The following RBFOX1 variants were observed in gnomAD, a reference collection of about 807,000 sequenced individuals.
RBFOX1 encodes RNA binding protein fox-1 homolog 1.
A neutral mutation model predicts 57.7 loss-of-function variants in RBFOX1; 8 were observed. That is an observed-to-expected ratio of 0.14 (90% CI 0.08 to 0.25). The LOEUF (loss-of-function observed/expected upper bound fraction) is 0.25. RBFOX1 is among the 10% of genes least tolerant of loss of function. The pLI is 1.00. For missense variants in RBFOX1, 611 were observed against 548.5 expected, an observed-to-expected ratio of 1.11 and a Z score of -1.14; for synonymous variants, 326 against 222.4, an observed-to-expected ratio of 1.47 and a Z score of -4.15.
chr16:6,819,786 A>G (rs186709745), intron 3 of RBFOX1, among the ~76,000 whole-genome samples: 87 of 151,858 alleles, frequency 5.7e-4, no homozygotes, highest in African/African-American at 2.0e-3. Context: ...TTTCAAAGAA[A>G]GGAACTTGTT....
At chr16:6,088,978 C>T (rs1004087063) in intron 1 of RBFOX1, among the ~76,000 whole-genome samples, 1 of 151,694 alleles carries the variant, frequency 6.6e-6, no homozygotes, top group Non-Finnish European at 1.5e-5. Context: ...TGCCTGTAAT[C>T]CCAGCTACTC....
chr16:7,616,762 C>G (rs2058513618), intron 10 of RBFOX1, among the ~76,000 whole-genome samples: 1 of 152,046 alleles, frequency 6.6e-6, no homozygotes, highest in Non-Finnish European at 1.5e-5. Context: ...GAACTCCTGA[C>G]CTCAAGCAAC....
chr16:6,093,152 C>T (rs1004606596), intron 1 of RBFOX1, among the ~76,000 whole-genome samples: 3 of 152,308 alleles, frequency 2.0e-5, no homozygotes, highest in African/African-American at 7.2e-5. Context: ...TTACTGTCAT[C>T]TTCACTGAGT....
intron 3 of RBFOX1, among the ~76,000 whole-genome samples, chr16:7,039,429 C>T (rs960600129): frequency 6.6e-6 from 1 of 152,248 alleles, no homozygotes; most frequent in East Asian, 1.9e-4. Context: ...GCTATTTTCT[C>T]AAGTGTATTT....
intron 5 of RBFOX1, among the ~76,000 whole-genome samples, chr16:7,549,328 G>T (rs896900273): frequency 7.9e-5 from 12 of 152,204 alleles, no homozygotes; most frequent in African/African-American, 2.4e-4. Context: ...ATAAAGGTAG[G>T]TAGGGCCATG....
At chr16:7,282,334 T>C (rs1239734952) in intron 4 of RBFOX1, among the ~76,000 whole-genome samples, 1 of 152,162 alleles carries the variant, frequency 6.6e-6, no homozygotes, top group African/African-American at 2.4e-5. Flanking sequence ...CCCCAACTCA[T>C]TGCAAGGCAC....
chr16:6,827,191 A>G (rs1468027360), intron 3 of RBFOX1, among the ~76,000 whole-genome samples: 2 of 128,880 alleles, frequency 1.6e-5, no homozygotes, highest in Non-Finnish European at 3.2e-5. Flanking sequence ...AATCCATTGT[A>G]TTAGAGGTGT....
At chr16:6,921,649 T>A (rs1010594383) in intron 3 of RBFOX1, among the ~76,000 whole-genome samples, 4 of 149,234 alleles carry the variant, frequency 2.7e-5, no homozygotes, top group Non-Finnish European at 5.9e-5. Context: ...ATATATATTT[T>A]TTTTTTTCTT....
At chr16:7,136,114 G>A (rs931055478) in intron 4 of RBFOX1, among the ~76,000 whole-genome samples, 2 of 152,330 alleles carry the variant, frequency 1.3e-5, no homozygotes, top group South Asian at 2.1e-4. Flanking sequence ...GTCAAAGGAA[G>A]AGATTGGCTG....
At chr16:7,042,430 G>A (rs938794204) in intron 3 of RBFOX1, among the ~76,000 whole-genome samples, 1 of 151,616 alleles carries the variant, frequency 6.6e-6, no homozygotes, top group Non-Finnish European at 1.5e-5. Flanking sequence ...ACGGTTTTAG[G>A]AATTCACTCA....
chr16:5,529,997 C>T (rs72633287), intron 2 of RBFOX1, among the ~76,000 whole-genome samples: 41,472 of 152,066 alleles, frequency 0.27, 7,051 homozygotes, highest in East Asian at 0.85. Flanking sequence ...ACAACAGATT[C>T]TTCCTCACAG....
chr16:7,214,204 T>C (rs1040801215), intron 4 of RBFOX1, among the ~76,000 whole-genome samples: 9 of 152,198 alleles, frequency 5.9e-5, no homozygotes, highest in African/African-American at 2.2e-4. Flanking sequence ...TATCCTAGGA[T>C]ATGTCACCCC....
intron 3 of RBFOX1, among the ~76,000 whole-genome samples, chr16:6,713,601 A>C (rs1045995521): frequency 6.6e-5 from 10 of 152,094 alleles, no homozygotes; most frequent in Non-Finnish European, 1.5e-4. Context: ...TTGTGGGCAA[A>C]AATAAAAATC....
chr16:7,352,459 C>T (rs973278632), intron 4 of RBFOX1, among the ~76,000 whole-genome samples: 2 of 152,160 alleles, frequency 1.3e-5, no homozygotes, highest in Non-Finnish European at 2.9e-5. Flanking sequence ...TGAATGTCAT[C>T]TGAAGACGTG....
At chr16:7,491,039 C>T (rs759163062) in intron 4 of RBFOX1, among the ~76,000 whole-genome samples, 13 of 152,132 alleles carry the variant, frequency 8.5e-5, no homozygotes, top group Non-Finnish European at 1.3e-4. Context: ...CCATCAACTC[C>T]AGATTCTAAA....
intron 14 of RBFOX1, among the ~76,000 whole-genome samples, chr16:7,678,460 T>C (rs1030852657): frequency 2.0e-5 from 3 of 152,192 alleles, no homozygotes; most frequent in African/African-American, 7.2e-5. Context: ...GCTGCAACCC[T>C]TAATTATTTT....
chr16:6,964,424 G>A (rs2083660142), intron 3 of RBFOX1, among the ~76,000 whole-genome samples: 1 of 152,100 alleles, frequency 6.6e-6, no homozygotes, highest in Non-Finnish European at 1.5e-5. Context: ...AACATCAACT[G>A]TGAACTTTAA....
At chr16:5,922,428 G>T (rs953456207) in intron 4 of RBFOX1, among the ~76,000 whole-genome samples, 1 of 152,184 alleles carries the variant, frequency 6.6e-6, no homozygotes, top group Non-Finnish European at 1.5e-5. Flanking sequence ...CTCAGCTATG[G>T]ATAGCCCTTG....
At chr16:6,654,067 A>C (rs1188654298) in intron 2 of RBFOX1, among the ~76,000 whole-genome samples, 1 of 151,018 alleles carries the variant, frequency 6.6e-6, no homozygotes, top group Non-Finnish European at 1.5e-5. Flanking sequence ...GGAAGGATGC[A>C]GGATGAATGG....
Sources: allele counts gnomAD v4.1 joint callset (sites outside exome capture counted in the v4.1 genomes callset), GRCh38; gene constraint gnomAD v4.1.1; transcripts MANE v1.5; gene names NCBI Gene and HGNC (gene_info 2026-07-23, HGNC 2026-07-21).